Variants in LMBRD1 observed in about 807,000 individuals in gnomAD.
LMBRD1 encodes LMBR1 domain containing 1.
In LMBRD1, 64 loss-of-function variants were observed where a neutral mutation model predicts 74.8. The observed-to-expected ratio is 0.86, with a 90% CI of 0.70 to 1.05. The LOEUF is 1.05. LMBRD1 is among the 50% of genes least tolerant of loss of function. The pLI is 0.00. For missense variants in LMBRD1, 652 were observed against 645.9 expected (o/e 1.01, Z -0.10); for synonymous variants, 204 against 216.3 (o/e 0.94, Z 0.50).
In LMBRD1 at chr6:69,719,050, AGATTTAAAG is replaced by A; in HGVS notation, c.659_667del (p.Pro220_Asn222del). 6.2e-7 allele frequency: 1 copy of A among 1,612,958 alleles called. No individual in the cohort carries two copies. The highest frequency in any genetic ancestry group is 1.1e-5 in the South Asian group (1 of 91,058). ...AGCAGCGCTTCTAGTGCCTTTTATC[AGATTTAAAG>A]GTAACGCAGACATGCCATAGGCCTA... On this transcript the variant is annotated inframe_deletion, in exon 8 of 16. Transcript: ENST00000649934.
chr6:69,701,900 G>A lies in LMBRD1; in HGVS notation c.969C>T (p.Leu323=). The change falls in exon 10 of 16, where the codon CTC becomes CTT. Residue 323 remains leucine (L), a synonymous_variant. Transcript: ENST00000649934. ...TCTACTGTACTTACTTTGACAAGAA[G>A]AGAGAAATTACAAACAGCAATGCAA... is the stretch of plus-strand genomic sequence containing the variant. ...ILVALLFVIS[L]FLSNLDKALH... 6.3e-7 allele frequency: 1 copy of A among 1,596,162 alleles called. No homozygotes were observed. Among genetic ancestry groups the A allele is most frequent in the Non-Finnish European group, 8.6e-7 (1 of 1,164,696 alleles).
rs6938122 is a variant in LMBRD1 at position 69,713,440 on chromosome 6, A to C, written c.915+205T>G. Among the ~76,000 whole-genome samples, 1,990 of 152,176 alleles carry C rather than the reference A, an allele frequency of 0.013. 40 individuals are homozygous for C. The highest frequency in any genetic ancestry group is 0.046 in the African/African-American group (1,916 of 41,522). On this transcript the variant is annotated intron_variant, in intron 9 of 15. Transcript: ENST00000649934. ...ATCTATATTTTTATTTTAATTTCCCAACAATTGTTGTAATACATTGCTCAG... is the reference window on the plus strand; with the variant it reads ...ATCTATATTTTTATTTTAATTTCCCCACAATTGTTGTAATACATTGCTCAG...
intron 9 of LMBRD1, among the ~76,000 whole-genome samples, chr6:69,711,069 G>A (rs540062086): frequency 5.3e-5 from 8 of 152,086 alleles, no homozygotes; most frequent in African/African-American, 1.9e-4. Context: ...CACCAACAAG[G>A]GTGAGTGAAT....
At chr6:69,786,583 T>C (rs1765953268) in intron 2 of LMBRD1, among the ~76,000 whole-genome samples, 1 of 152,042 alleles carries the variant, frequency 6.6e-6, no homozygotes, top group Non-Finnish European at 1.5e-5. Context: ...CACTTCCAGC[T>C]GTACTCTAAA....
chr6:69,736,248 T>A (rs1046097426), intron 7 of LMBRD1, among the ~76,000 whole-genome samples: 1 of 152,172 alleles, frequency 6.6e-6, no homozygotes, highest in Admixed American at 6.5e-5. Flanking sequence ...CAAAGATCTT[T>A]GTATAGCAAA....
At chr6:69,717,058 A>G (rs185489671) in intron 8 of LMBRD1, among the ~76,000 whole-genome samples, 46 of 152,120 alleles carry the variant, frequency 3.0e-4, no homozygotes, top group African/African-American at 1.1e-3. Context: ...AGGTCCAAAG[A>G]ATTTTTAAAA....
rs66556444 is a variant in LMBRD1, at chr6:69,734,397, ATT to A, written c.636+3543_636+3544del. Among the ~76,000 whole-genome samples, 333 of 144,208 alleles carry A rather than the reference ATT, an allele frequency of 2.3e-3. 2 individuals carry two copies. The highest frequency in any genetic ancestry group is 6.2e-3 in the African/African-American group (243 of 39,108). 94.6% of individuals were successfully genotyped at this position (144,208 alleles called of 152,430 possible). On this transcript the variant is annotated intron_variant, in intron 7 of 15. Coordinates refer to ENST00000649934, the MANE Select transcript of LMBRD1 (RefSeq NM_018368.4). ...AGTGAAAGGATGTATAACAAAACCA[ATT>A]TTTTTTTTTTTTTGAGACGGAGTCT...
chr6:69,783,939 A>G (rs1458099366), intron 2 of LMBRD1, among the ~76,000 whole-genome samples: 1 of 152,246 alleles, frequency 6.6e-6, no homozygotes, highest in Non-Finnish European at 1.5e-5. Flanking sequence ...CTTTTACTCT[A>G]TAAGGATCTT....
intron 7 of LMBRD1, among the ~76,000 whole-genome samples, chr6:69,728,843 A>C (rs1172733174): frequency 6.6e-6 from 1 of 152,182 alleles, no homozygotes; most frequent in Non-Finnish European, 1.5e-5. Flanking sequence ...GTTCCTAGGA[A>C]TCTGGAAAGG....
chr6:69,730,745 T>C (rs1477199859), intron 7 of LMBRD1, among the ~76,000 whole-genome samples: 1 of 152,074 alleles, frequency 6.6e-6, no homozygotes, highest in Non-Finnish European at 1.5e-5. Flanking sequence ...TGAAGATGCA[T>C]CGGTAGTAAA....
chr6:69,764,735 T>C (rs1275005570), intron 3 of LMBRD1, among the ~76,000 whole-genome samples: 2 of 152,176 alleles, frequency 1.3e-5, no homozygotes, highest in Non-Finnish European at 2.9e-5. Flanking sequence ...TTATACATGA[T>C]TTACAAATAT....
At chr6:69,702,286 GACAC>G (rs56690836) in intron 9 of LMBRD1, among the ~76,000 whole-genome samples, 3 of 149,430 alleles carry the variant, frequency 2.0e-5, no homozygotes, top group East Asian at 2.0e-4. Context: ...CTAACACACA[GACAC>G]ACACACACAC....
intron 9 of LMBRD1, among the ~76,000 whole-genome samples, chr6:69,707,240 C>A (rs1345270484): frequency 6.6e-6 from 1 of 152,152 alleles, no homozygotes; most frequent in Non-Finnish European, 1.5e-5. Context: ...TACCCTTTAT[C>A]ACTTCTCTCT....
At chr6:69,729,797 C>A (rs576739447) in intron 7 of LMBRD1, among the ~76,000 whole-genome samples, 2 of 151,916 alleles carry the variant, frequency 1.3e-5, no homozygotes, top group African/African-American at 4.8e-5. Context: ...GTTTGGTTAC[C>A]AAGCTTTTAG....
intron 9 of LMBRD1, among the ~76,000 whole-genome samples, chr6:69,711,517 A>G (rs1260796204): frequency 1.3e-5 from 2 of 152,212 alleles, no homozygotes; most frequent in African/African-American, 4.8e-5. Context: ...AATATTTATA[A>G]AAACCTAAAA....
intron 5 of LMBRD1, among the ~76,000 whole-genome samples, chr6:69,747,260 C>G (rs769101763): frequency 6.6e-6 from 1 of 152,094 alleles, no homozygotes; most frequent in Non-Finnish European, 1.5e-5. Flanking sequence ...CTCCCCCTCC[C>G]CTTCTCTCTC....
At chr6:69,716,273 G>A (rs1191313561) in intron 8 of LMBRD1, among the ~76,000 whole-genome samples, 1 of 152,058 alleles carries the variant, frequency 6.6e-6, no homozygotes, top group Non-Finnish European at 1.5e-5. Flanking sequence ...CAACCTTGCT[G>A]GCATCTGTTA....
At chr6:69,705,156 G>A (rs1451741711) in intron 9 of LMBRD1, 2 of 483,532 alleles carry the variant, frequency 4.1e-6, no homozygotes, top group South Asian at 2.0e-5. Context: ...TGGCAATGGA[G>A]CCTGGACAAC....
chr6:69,773,888 T>TGC (rs1251449045), intron 3 of LMBRD1, among the ~76,000 whole-genome samples: 1 of 152,206 alleles, frequency 6.6e-6, no homozygotes, highest in African/African-American at 2.4e-5. Context: ...TACTGTTGCC[T>TGC]GCATCAATAT....
Sources: allele counts gnomAD v4.1 joint callset (sites outside exome capture counted in the v4.1 genomes callset), GRCh38; gene constraint gnomAD v4.1.1; transcripts MANE v1.5; gene names NCBI Gene and HGNC (gene_info 2026-07-23, HGNC 2026-07-21).